The following HDAC9 variants were observed in gnomAD, a reference collection of about 807,000 sequenced individuals.
HDAC9 encodes histone deacetylase 9.
In HDAC9, 41 loss-of-function variants were observed where a neutral mutation model predicts 139.4. The ratio of observed to expected loss-of-function variants is 0.29; its 90% CI spans 0.23 to 0.38. The LOEUF is 0.38. Ranked by LOEUF, HDAC9 falls within the 10% of genes least tolerant of loss-of-function variation. HDAC9 has a pLI of 1.00. For missense variants in HDAC9, 1,147 were observed against 1,297.0 expected, an observed-to-expected ratio of 0.88 and a Z score of 1.78; for synonymous variants, 517 against 476.2, an observed-to-expected ratio of 1.09 and a Z score of -1.12.
intron 1 of HDAC9, among the ~76,000 whole-genome samples, chr7:18,298,474 C>T (rs1421036930): frequency 6.6e-6 from 1 of 152,010 alleles, no homozygotes; most frequent in Non-Finnish European, 1.5e-5. Context: ...GTGATATTCC[C>T]CTTCCTGTGT....
intron 14 of HDAC9, among the ~76,000 whole-genome samples, chr7:18,751,850 A>C (rs1584973790): frequency 6.6e-6 from 1 of 152,134 alleles, no homozygotes; most frequent in East Asian, 1.9e-4. Flanking sequence ...TTTTACCAGA[A>C]GAGTAAGGGA....
intron 1 of HDAC9, among the ~76,000 whole-genome samples, chr7:18,124,377 G>T (rs999608224): frequency 6.6e-6 from 1 of 152,182 alleles, no homozygotes; most frequent in Non-Finnish European, 1.5e-5. Flanking sequence ...TTCTTCTGCA[G>T]ACTCCAGTTT....
chr7:18,201,866 C>T (rs962114725), intron 2 of HDAC9, among the ~76,000 whole-genome samples: 7 of 152,094 alleles, frequency 4.6e-5, no homozygotes, highest in Non-Finnish European at 8.8e-5. Flanking sequence ...GCCTAGGCAA[C>T]TGATTATTTA....
chr7:18,412,637 C>T (rs1043637304), intron 1 of HDAC9, among the ~76,000 whole-genome samples: 3 of 152,136 alleles, frequency 2.0e-5, no homozygotes, highest in African/African-American at 4.8e-5. Flanking sequence ...GACTCACGCT[C>T]AGTTGTGATT....
intron 2 of HDAC9, among the ~76,000 whole-genome samples, chr7:18,171,759 C>T (rs542745771): frequency 3.3e-5 from 5 of 151,702 alleles, no homozygotes; most frequent in African/African-American, 7.3e-5. Flanking sequence ...TATTGATTTC[C>T]GTATGTTGAA....
At chr7:18,861,588 C>G (rs1343140028) in intron 21 of HDAC9, among the ~76,000 whole-genome samples, 1 of 152,134 alleles carries the variant, frequency 6.6e-6, no homozygotes, top group Non-Finnish European at 1.5e-5. Flanking sequence ...GGAAGAGATA[C>G]TGTTGAGAAA....
At chr7:18,531,600 T>C (rs1185611023) in intron 2 of HDAC9, among the ~76,000 whole-genome samples, 5 of 152,154 alleles carry the variant, frequency 3.3e-5, no homozygotes, top group African/African-American at 7.2e-5. Context: ...ACCTATATGT[T>C]GCTCCTTGAC....
chr7:18,742,877 C>T lies in HDAC9; in HGVS notation c.1910-6128C>T, dbSNP rs1302050426. 2.0e-5 allele frequency among the ~76,000 whole-genome samples: 3 copies of T among 152,154 alleles called. No individual in the cohort carries two copies. In the East Asian group the frequency reaches 5.8e-4, roughly 29 times the overall value. ...ATATCCAGTTTTATTTTTATTCATT[C>T]CATTGTCTTTTTAATTTAGTTCTAT... On this transcript the variant is annotated intron_variant, in intron 13 of 25. Transcript: ENST00000686413.
At chr7:18,552,024 C>G (rs981301381) in intron 2 of HDAC9, among the ~76,000 whole-genome samples, 2 of 152,134 alleles carry the variant, frequency 1.3e-5, no homozygotes, top group African/African-American at 4.8e-5. Flanking sequence ...TTATTGTGGA[C>G]TTGTGCATTT....
chr7:18,194,107 G>A (rs1289420782), intron 2 of HDAC9, among the ~76,000 whole-genome samples: 1 of 152,112 alleles, frequency 6.6e-6, no homozygotes, highest in South Asian at 2.1e-4. Context: ...TATAAGTACA[G>A]CCTAATCTTA....
chr7:18,510,797 T>C (rs766537812), intron 2 of HDAC9, among the ~76,000 whole-genome samples: 25 of 152,284 alleles, frequency 1.6e-4, no homozygotes, highest in African/African-American at 5.8e-4. Flanking sequence ...TCAATCTCTA[T>C]GTACAACTCT....
At chr7:18,631,526 A>G (rs1366726085) in intron 7 of HDAC9, among the ~76,000 whole-genome samples, 1 of 152,064 alleles carries the variant, frequency 6.6e-6, no homozygotes, top group Admixed American at 6.6e-5. Context: ...GACTATCATA[A>G]CATCAGAGCA....
At chr7:18,364,866 AG>A (rs2128693894) in intron 1 of HDAC9, among the ~76,000 whole-genome samples, 1 of 152,266 alleles carries the variant, frequency 6.6e-6, no homozygotes, top group African/African-American at 2.4e-5. Flanking sequence ...AAAATTAATC[AG>A]GGTGAAAAAA....
intron 16 of HDAC9, among the ~76,000 whole-genome samples, chr7:18,769,427 G>C (rs77841846): frequency 0.01 from 1,565 of 152,216 alleles, 23 homozygotes; most frequent in African/African-American, 0.036. Context: ...TGGCAGCAGT[G>C]GTGGTGGATA....
intron 2 of HDAC9, chr7:18,518,124 TTTA>T (rs1220111741): frequency 6.6e-6 from 1 of 152,198 alleles, no homozygotes; most frequent in Non-Finnish European, 1.5e-5. Context: ...AAGGACATTA[TTTA>T]TTATTATTTC....
chr7:18,255,164 G>A (rs1795150466), intron 2 of HDAC9, among the ~76,000 whole-genome samples: 1 of 152,134 alleles, frequency 6.6e-6, no homozygotes, highest in Non-Finnish European at 1.5e-5. Context: ...AGCCCAGTAG[G>A]TGTTTTCAGG....
chr7:18,807,932 T>G (rs1335697661), intron 17 of HDAC9: 1 of 152,226 alleles, frequency 6.6e-6, no homozygotes, highest in Non-Finnish European at 1.5e-5. Context: ...ATCTGTCTTT[T>G]ATGTCCATTT....
chr7:18,581,949 A>T (rs1827969452), intron 2 of HDAC9, among the ~76,000 whole-genome samples: 1 of 152,204 alleles, frequency 6.6e-6, no homozygotes, highest in Non-Finnish European at 1.5e-5. Flanking sequence ...CATTAAAGTG[A>T]CACATAAAGT....
chr7:18,150,452 A>T (rs1786691145), intron 1 of HDAC9, among the ~76,000 whole-genome samples: 2 of 152,218 alleles, frequency 1.3e-5, no homozygotes. Flanking sequence ...AATTGCATAC[A>T]CACTGCAATA....
Sources: gnomAD v4.1 joint callset for allele counts (sites outside exome capture counted in the v4.1 genomes callset) on GRCh38, gnomAD v4.1.1 for gene constraint, MANE v1.5 for transcripts, NCBI Gene and HGNC (gene_info 2026-07-23, HGNC 2026-07-21) for gene names.